Variants in ITGAL observed in about 807,000 individuals in gnomAD.
The protein encoded by ITGAL is integrin subunit alpha L.
A neutral mutation model predicts 138.4 loss-of-function variants in ITGAL; 68 were observed. That is an observed-to-expected ratio of 0.49 (90% CI 0.40 to 0.60). The LOEUF (loss-of-function observed/expected upper bound fraction) is 0.60, where lower values mean the gene tolerates loss of function less well. ITGAL is among the 20% of genes least tolerant of loss of function. The pLI, the probability that ITGAL is intolerant of heterozygous loss-of-function variation, is 0.00. For synonymous variants in ITGAL, 561 were observed against 584.3 expected, an observed-to-expected ratio of 0.96 and a Z score of 0.57; for missense variants, 1,256 against 1,478.6, an observed-to-expected ratio of 0.85 and a Z score of 2.47.
rs1217512703 is a variant in ITGAL at position 30,475,594 on chromosome 16, G to T, written c.327+14G>T. On this transcript the variant is annotated intron_variant, in intron 4 of 30. Coordinates refer to ENST00000356798, the MANE Select transcript of ITGAL (RefSeq NM_002209.3). ...GGAAGCATTTTGGTAAGAATTTTGT[G>T]CAGTGGTGTTATCAGAGCCTGTGAA... The T allele has an allele frequency of 1.9e-6, 3 of 1,599,534 alleles. No individual in the cohort carries two copies. In the South Asian group the frequency reaches 3.3e-5, roughly 18 times the overall value.
intron 20 of ITGAL, among the ~76,000 whole-genome samples, chr16:30,506,029 G>C (rs1294636859): frequency 6.6e-6 from 1 of 152,234 alleles, no homozygotes; most frequent in Non-Finnish European, 1.5e-5. Flanking sequence ...GGAGGCCAAG[G>C]CGGGCAGATC....
Position 30,494,108 on chromosome 16 carries a change from AT to A in ITGAL, c.1214-103del. The A allele has an allele frequency of 1.0e-6, 1 of 955,856 alleles. No homozygotes were observed. The highest frequency in any genetic ancestry group is 1.6e-6 in the Non-Finnish European group (1 of 637,214). The allele number at this position is 955,856 out of a possible 1,614,324, so 59.2% of individuals were successfully genotyped here. On this transcript the variant is annotated intron_variant, in intron 11 of 30. Coordinates refer to ENST00000356798, the MANE Select transcript of ITGAL (RefSeq NM_002209.3). This position sits in a 1 kb window ranked among gnomAD's most constrained non-coding sequence, Gnocchi z 4.2. The stretch of plus-strand genomic sequence containing the variant: ...AGAAGGTCTTCAGCTGTTTCCATGC[AT>A]CTCTGCTACTAACCCAATTCCCTGG...
At chr16:30,483,788 T>C in intron 7 of ITGAL, 39 bp from the exon 8 acceptor site, 3 of 1,577,946 alleles carry the variant, frequency 1.9e-6, no homozygotes, top group Non-Finnish European at 2.6e-6. Flanking sequence ...CAGGCCCTAG[T>C]TTGGGGGAGT....
intron 7 of ITGAL, among the ~76,000 whole-genome samples, chr16:30,482,180 T>C (rs1464602523): frequency 6.6e-6 from 1 of 151,892 alleles, no homozygotes; most frequent in Non-Finnish European, 1.5e-5. Context: ...CAGGTGTGAG[T>C]CACCACACCT....
Position 30,504,067 on chromosome 16 carries a change from G to C in ITGAL, c.2146-108G>C, listed in dbSNP as rs1298384164. The C allele has an allele frequency of 4.7e-6, 4 of 859,860 alleles. 1 individual carries two copies. In the Admixed American group the frequency reaches 7.6e-5, roughly 16 times the overall value. The allele number at this position is 859,860 out of a possible 1,614,324, so 53.3% of individuals were successfully genotyped here. Reference sequence around the variant, plus strand: ...CAATACTGGTAGGGTCTTAGACAAAGAACTACCAGAATTTCATCACTTGTA... The same window carrying C: ...CAATACTGGTAGGGTCTTAGACAAACAACTACCAGAATTTCATCACTTGTA... On this transcript the variant is annotated intron_variant, in intron 17 of 30. Coordinates refer to ENST00000356798, the MANE Select transcript of ITGAL (RefSeq NM_002209.3).
intron 21 of ITGAL, among the ~76,000 whole-genome samples, chr16:30,509,726 A>G (rs543783309): frequency 6.5e-4 from 99 of 152,142 alleles, no homozygotes; most frequent in African/African-American, 1.9e-3. Context: ...ACGCCCCACT[A>G]TGCTCAGCTC....
At chr16:30,498,292 C>G (rs1052404344) in intron 15 of ITGAL, among the ~76,000 whole-genome samples, 2 of 149,292 alleles carry the variant, frequency 1.3e-5, no homozygotes, top group African/African-American at 4.9e-5. Context: ...AGGAGCCAGG[C>G]ACTGGGGCTC....
At chr16:30,514,812 T>C (rs1317264185) in intron 25 of ITGAL, among the ~76,000 whole-genome samples, 1 of 149,806 alleles carries the variant, frequency 6.7e-6, no homozygotes, top group Non-Finnish European at 1.5e-5. Flanking sequence ...TTTTACCTTT[T>C]CTTTTTTCTT....
rs1219144863 is a variant in ITGAL, at chr16:30,483,959, G to A, written c.855G>A (p.Gly285=). 1 of 1,611,188 alleles carries A rather than the reference G, an allele frequency of 6.2e-7. No individual in the cohort carries two copies. Among genetic ancestry groups the A allele is most frequent in the Non-Finnish European group, 8.5e-7 (1 of 1,177,640 alleles). The change falls in exon 8 of 31, where the codon GGG becomes GGA. Residue 285 remains glycine (G), a splice_region_variant and synonymous_variant. Transcript: ENST00000356798. ...AAKDIIRYII[G]IGKHFQTKES... ...AAGACATCATCCGCTACATCATCGGGGTAGGGCCCCTGCTGCTTCCTGCAT... is the reference window on the plus strand; with the variant it reads ...AAGACATCATCCGCTACATCATCGGAGTAGGGCCCCTGCTGCTTCCTGCAT...
Position 30,494,827 on chromosome 16 carries a change from G to A in ITGAL, c.1480G>A (p.Val494Met). The change falls in exon 13 of 31, where the codon GTG becomes ATG. Residue 494 changes from valine (V) to methionine (M), a missense_variant. Around this residue, in one of 3 missense-constraint regions of ITGAL, gnomAD observed 867 missense variants for 972.5 expected, o/e 0.89. Coordinates refer to ENST00000356798, the MANE Select transcript of ITGAL (RefSeq NM_002209.3). The surrounding 1 kb of genome is among the most constrained non-coding windows in gnomAD (Gnocchi z 4.2). ...LFYGEQRGGRVFIYQRRQLGF... is the reference protein window; with the variant it reads ...LFYGEQRGGRMFIYQRRQLGF... ...CTATGGGGAGCAGAGAGGAGGCCGG[G>A]TGTTTATCTACCAGAGAAGACAGGT... 6.2e-7 allele frequency: 1 copy of A among 1,605,408 alleles called. No individual in the cohort carries two copies. Among genetic ancestry groups the A allele is most frequent in the Non-Finnish European group, 8.5e-7 (1 of 1,173,872 alleles).
chr16:30,517,595 GTGT>G, intron 26 of ITGAL, 51 bp from the exon 27 acceptor site: 1 of 1,476,310 alleles, frequency 6.8e-7, no homozygotes. Context: ...TGGGATGCCA[GTGT>G]CTTATCTGGG....
At chr16:30,505,037 G>C in intron 18 of ITGAL, 1 of 322,558 alleles carries the variant, frequency 3.1e-6, no homozygotes, top group Non-Finnish European at 5.5e-6. Flanking sequence ...AAAAAAAAAA[G>C]AGCTGCCAGC....
At chr16:30,517,622 A>C (rs377207313) in intron 26 of ITGAL, 27 bp from the exon 27 acceptor site, 50 of 1,607,922 alleles carry the variant, frequency 3.1e-5, no homozygotes, top group Non-Finnish European at 4.2e-5. Context: ...GGGAGGCTCT[A>C]ACTGAAGACC....
intron 24 of ITGAL, among the ~76,000 whole-genome samples, chr16:30,512,211 G>C (rs569469791): frequency 5.1e-4 from 77 of 152,206 alleles, no homozygotes; most frequent in African/African-American, 1.8e-3. Context: ...AATGGGTAAA[G>C]GCCTCTTCAA....
rs767679276 is a variant in ITGAL, at chr16:30,489,262, A to T, written c.1089A>T (p.Ala363=). Reference sequence around the variant, plus strand: ...TCTCCTTCCCTGGGCAGGGCCATGCAGTCGTGGGGGCAGTAGGAGCCAAGG... The same window carrying T: ...TCTCCTTCCCTGGGCAGGGCCATGCTGTCGTGGGGGCAGTAGGAGCCAAGG... The part of the protein sequence containing the change: ...GISADLSRGH[A]VVGAVGAKDW... The change falls in exon 11 of 31, where the codon GCA becomes GCT. Residue 363 remains alanine, a synonymous_variant. Coordinates refer to ENST00000356798, the MANE Select transcript of ITGAL (RefSeq NM_002209.3). 4.0e-5 allele frequency: 64 copies of T among 1,614,060 alleles called. No homozygotes were observed. The highest frequency in any genetic ancestry group is 5.4e-5 in the Non-Finnish European group (64 of 1,179,944).
chr16:30,508,861 G>GAAAAACA (rs555024467), intron 21 of ITGAL, among the ~76,000 whole-genome samples: 6 of 150,780 alleles, frequency 4.0e-5, no homozygotes, highest in South Asian at 2.1e-4. Context: ...CTTGTCTCAG[G>GAAAAACA]AAAAACAAAA....
chr16:30,516,957 T>C lies in ITGAL; in HGVS notation c.2863-16T>C. On this transcript the variant is annotated splice_polypyrimidine_tract_variant and intron_variant, in intron 25 of 30. Transcript: ENST00000356798. Reference sequence around the variant, plus strand: ...GCTGGCATTCAGGGCTCTGCATCCCTTGTCCTCTGTGCCAGGTGAGGATCC... The same window carrying C: ...GCTGGCATTCAGGGCTCTGCATCCCCTGTCCTCTGTGCCAGGTGAGGATCC... 3 of 1,579,524 alleles carry C rather than the reference T, an allele frequency of 1.9e-6. No homozygotes were observed. Among genetic ancestry groups the C allele is most frequent in the Non-Finnish European group, 2.6e-6 (3 of 1,148,740 alleles).
rs971265959 is a variant in ITGAL, at chr16:30,517,680, T to C, written c.3008T>C (p.Leu1003Pro). 2.5e-6 allele frequency: 4 copies of C among 1,614,024 alleles called. No individual in the cohort carries two copies. In the African/African-American group the frequency reaches 4.0e-5, roughly 16 times the overall value. Reference sequence around the variant, plus strand: ...CCCGTGCCCTGCCACTATGAGGATCTGGAGAGGCTCCCGGATGCAGCTGAG... The same window carrying C: ...CCCGTGCCCTGCCACTATGAGGATCCGGAGAGGCTCCCGGATGCAGCTGAG... ...EPPVPCHYED[L>P]ERLPDAAEPC... Residue 1003 changes from leucine (L) to proline (P), a missense_variant, in exon 27 of 31, where the codon CTG (leucine) becomes CCG (proline). Physicochemically the swap from Leu to Pro is moderately conservative, Grantham distance 98. Coordinates refer to ENST00000356798, the MANE Select transcript of ITGAL (RefSeq NM_002209.3).
chr16:30,516,764 G>A (rs1309293170), intron 25 of ITGAL, among the ~76,000 whole-genome samples: 1 of 152,188 alleles, frequency 6.6e-6, no homozygotes, highest in African/African-American at 2.4e-5. Flanking sequence ...TGTGCTGGGC[G>A]GAGAAAGCTG....
Sources: allele counts gnomAD v4.1 joint callset (sites outside exome capture counted in the v4.1 genomes callset), GRCh38; gene constraint gnomAD v4.1.1; regional missense constraint gnomAD v4.1.1; non-coding constraint Gnocchi (gnomAD v3.1); transcripts MANE v1.5; gene names NCBI Gene and HGNC (gene_info 2026-07-23, HGNC 2026-07-21).